SPRY3: variants seen among roughly 807,000 people sequenced by gnomAD.
SPRY3 encodes the protein sprouty RTK signaling antagonist 3.
In SPRY3, 15 loss-of-function variants were observed where a neutral mutation model predicts 20.2. The observed-to-expected ratio is 0.74, with a 90% CI of 0.50 to 1.14. The LOEUF (loss-of-function observed/expected upper bound fraction) is 1.14, where lower values mean the gene tolerates loss of function less well. Ranked by LOEUF, SPRY3 falls within the 50% of genes most tolerant of loss-of-function variation. The pLI is 0.00. For missense variants in SPRY3, 364 were observed against 363.9 expected (o/e 1.00, Z 0.00); for synonymous variants, 143 against 136.5 (o/e 1.05, Z -0.33).
intron 1 of SPRY3, among the ~76,000 whole-genome samples, chrX:155,653,438 T>C (rs2067983063): frequency 8.9e-6 from 1 of 112,013 alleles, no homozygotes; most frequent in African/African-American, 3.2e-5. Context: ...TAGGTAAAGG[T>C]CCAACTTCAT....
downstream of SPRY3, chrX:155,780,726 G>A (rs375416511): frequency 1.9e-4 from 31 of 166,904 alleles, no homozygotes; most frequent in Admixed American, 1.2e-3. Flanking sequence ...AACTTTACTC[G>A]TGAATTTTTT....
intron 2 of SPRY3, among the ~76,000 whole-genome samples, chrX:155,725,333 A>T (rs776659387): frequency 1.2e-3 from 190 of 152,288 alleles, no homozygotes; most frequent in African/African-American, 4.5e-3. Context: ...CTGACCTCAT[A>T]AAATAAGTTA....
chrX:155,671,764 G>A (rs1239284846), intron 2 of SPRY3, among the ~76,000 whole-genome samples: 10 of 110,927 alleles, frequency 9.0e-5, no homozygotes, highest in Admixed American at 4.8e-4. Context: ...TTCTTCTAGG[G>A]TTTTTATGGT....
rs757638051 is a variant in SPRY3, at chrX:155,689,962, T to C, written c.-282+32937T>C. 1.2e-4 allele frequency among the ~76,000 whole-genome samples: 11 copies of C among 88,209 alleles called. 1 individual carries two copies. In the South Asian group the frequency reaches 5.1e-3, roughly 41 times the overall value. The allele number at this position is 88,209 out of a possible 115,157, so 76.6% of individuals were successfully genotyped here. A position where few individuals can be genotyped will look rare whatever the true frequency, so the allele number is the denominator to read the frequency against. On this transcript the variant is annotated intron_variant, in intron 2 of 3. Transcript: ENST00000675360. ...TTTTTGATGTGGGCATTTAGTGCTA[T>C]AAATTTTCCTTTTAACACTGCCTTA... is the stretch of plus-strand genomic sequence containing the variant.
At chrX:155,732,954 T>G (rs1448354096) in intron 2 of SPRY3, among the ~76,000 whole-genome samples, 1 of 151,838 alleles carries the variant, frequency 6.6e-6, no homozygotes, top group Non-Finnish European at 1.5e-5. Context: ...AGCTAAAAAT[T>G]AAAACAACTG....
At chrX:155,755,249 A>T (rs1316499994) in intron 2 of SPRY3, among the ~76,000 whole-genome samples, 1 of 149,408 alleles carries the variant, frequency 6.7e-6, no homozygotes, top group Non-Finnish European at 1.5e-5. Flanking sequence ...ATGTCTTTAA[A>T]TTGCTTCGCA....
chrX:155,731,641 G>A (rs1195249776), intron 2 of SPRY3, among the ~76,000 whole-genome samples: 5 of 152,030 alleles, frequency 3.3e-5, no homozygotes, highest in Non-Finnish European at 7.4e-5. Context: ...GGAAACCAAA[G>A]CAAAAGTGGA....
chrX:155,778,529 AT>A (rs35763310), downstream of SPRY3: 92,022 of 166,470 alleles, frequency 0.55, 26,389 homozygotes, highest in African/African-American at 0.71. Flanking sequence ...AACTAATTCA[AT>A]TTTTTTTTGA....
intron 2 of SPRY3, 175 bp from the exon 2 acceptor site, chrX:155,767,787 G>C (rs1410780887): frequency 6.6e-6 from 1 of 152,036 alleles, no homozygotes; most frequent in Non-Finnish European, 1.5e-5. Flanking sequence ...AGGAGGAGGT[G>C]AACAACTTAC....
intron 1 of SPRY3, among the ~76,000 whole-genome samples, chrX:155,619,242 C>T (rs1254280697): frequency 9.0e-6 from 1 of 110,719 alleles, no homozygotes; most frequent in African/African-American, 3.3e-5. Flanking sequence ...CATACTTTTG[C>T]CTATAGATGT....
chrX:155,677,123 C>CA (rs2124564232), intron 2 of SPRY3, among the ~76,000 whole-genome samples: 1 of 111,591 alleles, frequency 9.0e-6, no homozygotes, highest in African/African-American at 3.2e-5. Context: ...ACCAACAAAT[C>CA]AAAAAGAGTC....
chrX:155,770,950 C>A (rs2091376898), intron 3 of SPRY3, among the ~76,000 whole-genome samples: 1 of 152,146 alleles, frequency 6.6e-6, no homozygotes, highest in Non-Finnish European at 1.5e-5. Context: ...ACTCAACACT[C>A]TGATTTTATT....
chrX:155,773,637 G>T, intron 3 of SPRY3, 129 bp from the exon 3 acceptor site: 1 of 579,594 alleles, frequency 1.7e-6, no homozygotes, highest in Non-Finnish European at 3.0e-6. Context: ...CAGAATAAAG[G>T]TGTAGCATGA....
At chrX:155,709,678 G>C (rs1298638367) in intron 2 of SPRY3, among the ~76,000 whole-genome samples, 1 of 151,390 alleles carries the variant, frequency 6.6e-6, no homozygotes, top group African/African-American at 2.4e-5. Context: ...TGTGATCCCA[G>C]TTTTCCATTT....
At chrX:155,681,892 A>G (rs1024934884) in intron 2 of SPRY3, among the ~76,000 whole-genome samples, 1 of 112,775 alleles carries the variant, frequency 8.9e-6, no homozygotes, top group African/African-American at 3.2e-5. Flanking sequence ...CATAACAAAA[A>G]TGCAAGGTGA....
intron 2 of SPRY3, among the ~76,000 whole-genome samples, chrX:155,720,850 TA>T (rs2091053155): frequency 6.6e-6 from 1 of 152,030 alleles, no homozygotes; most frequent in African/African-American, 2.4e-5. Flanking sequence ...AAGACTACAA[TA>T]AGTACCCAAC....
chrX:155,662,693 A>G (rs1376411106), intron 2 of SPRY3, among the ~76,000 whole-genome samples: 1 of 108,851 alleles, frequency 9.2e-6, no homozygotes, highest in African/African-American at 3.3e-5. Context: ...AAAAAAAAAA[A>G]AAAAAAAAAA....
chrX:155,740,762 T>C (rs1440111615), intron 2 of SPRY3, among the ~76,000 whole-genome samples: 1 of 152,160 alleles, frequency 6.6e-6, no homozygotes, highest in African/African-American at 2.4e-5. Flanking sequence ...CTCAGAAACA[T>C]GTGATCTTTG....
intron 2 of SPRY3, among the ~76,000 whole-genome samples, chrX:155,764,922 G>T (rs1351224014): frequency 6.6e-6 from 1 of 152,122 alleles, no homozygotes; most frequent in African/African-American, 2.4e-5. Flanking sequence ...AGTTGTAAAG[G>T]CTGGGAAGTC....
Sources: allele counts gnomAD v4.1 joint callset (sites outside exome capture counted in the v4.1 genomes callset), GRCh38; gene constraint gnomAD v4.1.1; transcripts MANE v1.5; gene names NCBI Gene and HGNC (gene_info 2026-07-23, HGNC 2026-07-21).